TMEM38B: variants seen among roughly 807,000 people sequenced by gnomAD.
TMEM38B encodes transmembrane protein 38B.
In TMEM38B, 24 loss-of-function variants were observed where a neutral mutation model predicts 28.7. That is an observed-to-expected ratio of 0.84 (90% confidence interval 0.61 to 1.18). The LOEUF (loss-of-function observed/expected upper bound fraction) is 1.18. Ranked by LOEUF, TMEM38B falls within the 50% of genes most tolerant of loss-of-function variation. The pLI, the probability that TMEM38B is intolerant of heterozygous loss-of-function variation, is 0.00. For synonymous variants in TMEM38B, 131 were observed against 127.7 expected (o/e 1.03, Z -0.17); for missense variants, 380 against 350.9 (o/e 1.08, Z -0.66).
At chr9:105,698,651 G>A (rs1835363240) in intron 1 of TMEM38B, among the ~76,000 whole-genome samples, 4 of 151,808 alleles carry the variant, frequency 2.6e-5, no homozygotes, top group Admixed American at 2.0e-4. Context: ...TAAAATTTTT[G>A]CATTTATGTT....
At chr9:105,718,391 A>G (rs10739212) in intron 2 of TMEM38B, among the ~76,000 whole-genome samples, 61,445 of 151,838 alleles carry the variant, frequency 0.4, 13,846 homozygotes, top group African/African-American at 0.59. Flanking sequence ...GGCGCCCGCC[A>G]CCATGCTGGC....
At chr9:105,760,408 G>T in intron 5 of TMEM38B, 1 of 740,654 alleles carries the variant, frequency 1.4e-6, no homozygotes, top group Non-Finnish European at 2.5e-6. Flanking sequence ...AAAACATCTT[G>T]AATACTTAAA....
At chr9:105,703,556 T>C (rs1485324240) in intron 1 of TMEM38B, among the ~76,000 whole-genome samples, 1 of 152,230 alleles carries the variant, frequency 6.6e-6, no homozygotes, top group Non-Finnish European at 1.5e-5. Context: ...CCTTTGGGTA[T>C]ATACCCAGTA....
chr9:105,753,489 AG>A (rs1837730397), intron 5 of TMEM38B, among the ~76,000 whole-genome samples: 1 of 152,232 alleles, frequency 6.6e-6, no homozygotes, highest in Non-Finnish European at 1.5e-5. Context: ...CCTACGAGCC[AG>A]AAGAGATTGG....
chr9:105,761,559 A>G (rs1414188267), intron 5 of TMEM38B, among the ~76,000 whole-genome samples: 1 of 152,178 alleles, frequency 6.6e-6, no homozygotes, highest in African/African-American at 2.4e-5. Flanking sequence ...TTTATTTTTA[A>G]TCAAGGGAGA....
intron 5 of TMEM38B, chr9:105,760,884 C>T (rs1025460660): frequency 3.7e-6 from 2 of 545,502 alleles, no homozygotes; most frequent in Non-Finnish European, 6.4e-6. Flanking sequence ...TAAGGAAGTA[C>T]CAAAATAGTT....
chr9:105,698,054 T>C (rs1835345652), intron 1 of TMEM38B, among the ~76,000 whole-genome samples: 1 of 146,362 alleles, frequency 6.8e-6, no homozygotes, highest in African/African-American at 2.5e-5. Flanking sequence ...TTTACTAAGA[T>C]CATCCCACGT....
chr9:105,698,775 A>G (rs1170529834), intron 1 of TMEM38B, among the ~76,000 whole-genome samples: 1 of 152,078 alleles, frequency 6.6e-6, no homozygotes, highest in African/African-American at 2.4e-5. Flanking sequence ...TAAGCTTGGA[A>G]TGGTTTATTT....
chr9:105,696,024 AT>A (rs1176052793), intron 1 of TMEM38B, among the ~76,000 whole-genome samples: 1 of 152,140 alleles, frequency 6.6e-6, no homozygotes, highest in Non-Finnish European at 1.5e-5. Context: ...GACCCATGGG[AT>A]TCTCTGACAC....
chr9:105,769,956 T>C (rs1361669347), intron 5 of TMEM38B, among the ~76,000 whole-genome samples: 1 of 152,096 alleles, frequency 6.6e-6, no homozygotes, highest in African/African-American at 2.4e-5. Context: ...GAGATAGTTT[T>C]AAAGAGCGTA....
chr9:105,772,689 A>T (rs1199988644), intron 5 of TMEM38B, among the ~76,000 whole-genome samples: 1 of 152,070 alleles, frequency 6.6e-6, no homozygotes, highest in Non-Finnish European at 1.5e-5. Flanking sequence ...ATTGAGTTCA[A>T]ATTCACATAA....
In TMEM38B at chr9:105,750,639, A is replaced by AT. The variant is rs964825362; in HGVS notation, c.660+2457dup. ...AAAAAACAAAAAACAAAAAACACAC[A>AT]TTTTTTTTATGAGTCCAATTTACCT... On this transcript the variant is annotated intron_variant, in intron 5 of 5. Coordinates refer to ENST00000374692, the MANE Select transcript of TMEM38B (RefSeq NM_018112.3). Among the ~76,000 whole-genome samples the AT allele has an allele frequency of 4.6e-5, 7 of 151,902 alleles. No homozygotes were observed. The East Asian group carries it at 7.8e-4, about 17-fold the overall frequency.
intron 5 of TMEM38B, among the ~76,000 whole-genome samples, chr9:105,761,539 C>A (rs1588469451): frequency 6.6e-6 from 1 of 152,148 alleles, no homozygotes; most frequent in South Asian, 2.1e-4. Flanking sequence ...ATAATCTCTT[C>A]TGTAAGGTAT....
At chr9:105,704,096 G>T (rs182348504) in intron 1 of TMEM38B, among the ~76,000 whole-genome samples, 2 of 148,112 alleles carry the variant, frequency 1.4e-5, no homozygotes, top group Admixed American at 6.7e-5. Context: ...GTAGGGGGAG[G>T]GGGGAGGGAT....
intron 4 of TMEM38B, among the ~76,000 whole-genome samples, chr9:105,743,001 G>A (rs1353245538): frequency 6.6e-6 from 1 of 152,034 alleles, no homozygotes. Flanking sequence ...CATGACTGTT[G>A]GCGGTGCATT....
chr9:105,720,110 A>C (rs1240405776), intron 2 of TMEM38B, among the ~76,000 whole-genome samples: 4 of 152,106 alleles, frequency 2.6e-5, no homozygotes, highest in Admixed American at 2.6e-4. Flanking sequence ...AATGGTCTTC[A>C]GAAATCTTTT....
At chr9:105,748,006 C>G (rs2133618258) in intron 4 of TMEM38B, 67 bp from the exon 5 acceptor site, 4 of 1,092,118 alleles carry the variant, frequency 3.7e-6, no homozygotes, top group Admixed American at 1.8e-5. Flanking sequence ...TTGCAGTGCA[C>G]TCTTTGAGAA....
intron 4 of TMEM38B, among the ~76,000 whole-genome samples, chr9:105,729,607 A>G (rs1309397683): frequency 6.6e-6 from 1 of 152,046 alleles, no homozygotes; most frequent in East Asian, 1.9e-4. Context: ...GTTTTTTCCA[A>G]TTCTGTGAAG....
At chr9:105,704,458 C>T (rs1485667189) in intron 1 of TMEM38B, among the ~76,000 whole-genome samples, 1 of 152,010 alleles carries the variant, frequency 6.6e-6, no homozygotes, top group East Asian at 1.9e-4. Context: ...AGACATTGTT[C>T]ATATCTAGAA....
Sources: allele counts gnomAD v4.1 joint callset (sites outside exome capture counted in the v4.1 genomes callset), GRCh38; gene constraint gnomAD v4.1.1; transcripts MANE v1.5; gene names NCBI Gene and HGNC (gene_info 2026-07-23, HGNC 2026-07-21).